ZNF804A: variants seen among roughly 807,000 people sequenced by gnomAD.
ZNF804A encodes zinc finger protein 804A.
A neutral mutation model predicts 16.5 loss-of-function variants in ZNF804A; 2 were observed. The observed-to-expected ratio is 0.12, with a 90% CI of 0.05 to 0.38. ZNF804A has a LOEUF of 0.38. Ranked by LOEUF, ZNF804A falls within the 10% of genes least tolerant of loss-of-function variation. The pLI is 0.99. For missense variants in ZNF804A, 1,473 were observed against 1,390.7 expected (o/e 1.06, Z -0.94); for synonymous variants, 534 against 489.6 (o/e 1.09, Z -1.20).
intron 1 of ZNF804A, among the ~76,000 whole-genome samples, chr2:184,837,787 C>T (rs182011580): frequency 6.6e-6 from 1 of 152,226 alleles, no homozygotes; most frequent in East Asian, 1.9e-4. Context: ...TGAGCATATT[C>T]TACAAGATAT....
intron 2 of ZNF804A, among the ~76,000 whole-genome samples, chr2:184,907,321 C>T (rs896614330): frequency 6.6e-6 from 1 of 152,114 alleles, no homozygotes; most frequent in Non-Finnish European, 1.5e-5. Flanking sequence ...GTCATTGTTT[C>T]TGACTTGGAA....
chr2:184,929,419 A>C (rs1279417464), intron 2 of ZNF804A, among the ~76,000 whole-genome samples: 1 of 152,124 alleles, frequency 6.6e-6, no homozygotes, highest in Non-Finnish European at 1.5e-5. Flanking sequence ...TTACCAATGA[A>C]ATTTAAAACC....
intron 2 of ZNF804A, among the ~76,000 whole-genome samples, chr2:184,882,731 T>G (rs1574255171): frequency 6.6e-6 from 1 of 152,146 alleles, no homozygotes; most frequent in East Asian, 1.9e-4. Context: ...AAGAAATTAC[T>G]TGAAACTAAT....
At chr2:184,782,887 A>C (rs973750420) in intron 1 of ZNF804A, among the ~76,000 whole-genome samples, 1 of 150,286 alleles carries the variant, frequency 6.7e-6, no homozygotes, top group Admixed American at 6.7e-5. Context: ...CATGCTCCCC[A>C]TGATGGCTCT....
chr2:184,598,785 C>A lies in ZNF804A; in HGVS notation c.-175C>A. 5.2e-6 allele frequency: 2 copies of A among 385,790 alleles called. No individual in the cohort carries two copies. Among genetic ancestry groups the A allele is most frequent in the Non-Finnish European group, 9.1e-6 (2 of 220,214 alleles). The allele number at this position is 385,790 out of a possible 1,614,324, so 23.9% of individuals were successfully genotyped here. On this transcript the variant is annotated 5_prime_UTR_variant, in exon 1 of 4. Transcript: ENST00000302277. ...GGCGAGCATGCGGAGGCGGGGGAGC[C>A]TCGGCGCTCACCACAGAGGGGTGCA...
chr2:184,798,010 G>GTGTGTC (rs1263450807), intron 1 of ZNF804A, among the ~76,000 whole-genome samples: 1 of 111,648 alleles, frequency 9.0e-6, no homozygotes, highest in African/African-American at 3.8e-5. Flanking sequence ...TGATATATGT[G>GTGTGTC]TGTGTGTGTG....
chr2:184,780,288 G>A (rs182638592), intron 1 of ZNF804A, among the ~76,000 whole-genome samples: 237 of 151,888 alleles, frequency 1.6e-3, no homozygotes, highest in Non-Finnish European at 2.8e-3. Flanking sequence ...GTAGAGTTAC[G>A]GAGAAGGGTG....
intron 1 of ZNF804A, among the ~76,000 whole-genome samples, chr2:184,787,189 G>A (rs1574212257): frequency 6.6e-6 from 1 of 151,756 alleles, no homozygotes; most frequent in African/African-American, 2.4e-5. Context: ...TTTAGCTCTC[G>A]CTAATAAATT....
chr2:184,810,484 C>CTTTTTTTTTTT (rs1175105602), intron 1 of ZNF804A, among the ~76,000 whole-genome samples: 6 of 95,972 alleles, frequency 6.3e-5, no homozygotes, highest in Non-Finnish European at 9.5e-5. Flanking sequence ...TGTTCTTTTC[C>CTTTTTTTTTTT]TTTTTTTTTT....
chr2:184,709,374 T>G (rs1693086646), intron 1 of ZNF804A, among the ~76,000 whole-genome samples: 1 of 152,132 alleles, frequency 6.6e-6, no homozygotes, highest in Admixed American at 6.6e-5. Flanking sequence ...TGCATTTATA[T>G]ACTTTAATAT....
chr2:184,651,004 C>T (rs1277095292), intron 1 of ZNF804A, among the ~76,000 whole-genome samples: 4 of 151,996 alleles, frequency 2.6e-5, no homozygotes, highest in Admixed American at 2.6e-4. Flanking sequence ...GCAAAAAGAG[C>T]AAAGACAGAT....
Position 184,938,754 on chromosome 2 carries a change from G to A in ZNF804A, c.3358G>A (p.Gly1120Arg), listed in dbSNP as rs1685843505. ...AAAAAAAAAA[G>R]TFKVLQPHQQ... ...AGCTGCAGCTGCAGCCGCAGCTGCA[G>A]GAACCTTTAAAGTGCTTCAGCCACA... Residue 1120 changes from glycine (G) to arginine (R), a missense_variant, in exon 4 of 4, where the codon GGA (glycine) becomes AGA (arginine). Gly to Arg is a moderately radical substitution (Grantham distance 125). Transcript: ENST00000302277. 1 of 1,613,156 alleles carries A rather than the reference G, an allele frequency of 6.2e-7. No homozygotes were observed. Among genetic ancestry groups the A allele is most frequent in the Admixed American group, 1.7e-5 (1 of 59,842 alleles).
At chr2:184,657,128 A>G (rs1574149802) in intron 1 of ZNF804A, among the ~76,000 whole-genome samples, 1 of 152,226 alleles carries the variant, frequency 6.6e-6, no homozygotes, top group Middle Eastern at 3.4e-3. Flanking sequence ...TCTATCTTCC[A>G]GGCTGGAGTG....
chr2:184,903,171 T>TC (rs1685214187), intron 2 of ZNF804A, among the ~76,000 whole-genome samples: 1 of 152,026 alleles, frequency 6.6e-6, no homozygotes, highest in Non-Finnish European at 1.5e-5. Flanking sequence ...TTCTCCACTA[T>TC]CCCCCAACAA....
chr2:184,706,496 A>G (rs970615051), intron 1 of ZNF804A, among the ~76,000 whole-genome samples: 8 of 152,192 alleles, frequency 5.3e-5, no homozygotes, highest in African/African-American at 1.9e-4. Context: ...TGTATATACC[A>G]TTTTCATTTG....
At chr2:184,840,164 G>A (rs1695414452) in intron 1 of ZNF804A, among the ~76,000 whole-genome samples, 1 of 152,188 alleles carries the variant, frequency 6.6e-6, no homozygotes, top group South Asian at 2.1e-4. Context: ...CAAGGTGGGA[G>A]GATCACCTGA....
At chr2:184,856,714 A>G (rs181584741) in intron 1 of ZNF804A, among the ~76,000 whole-genome samples, 90 of 152,246 alleles carry the variant, frequency 5.9e-4, no homozygotes, top group Non-Finnish European at 7.4e-4. Flanking sequence ...TTGCATGCAT[A>G]TAATTGAAAA....
intron 1 of ZNF804A, among the ~76,000 whole-genome samples, chr2:184,812,671 G>A (rs774148313): frequency 6.6e-6 from 1 of 152,058 alleles, no homozygotes; most frequent in Non-Finnish European, 1.5e-5. Context: ...TGGGAGGTGG[G>A]TAGCTGTTGG....
intron 2 of ZNF804A, among the ~76,000 whole-genome samples, chr2:184,867,391 CTGTTA>C (rs1228721565): frequency 6.6e-6 from 1 of 152,062 alleles, no homozygotes; most frequent in Non-Finnish European, 1.5e-5. Context: ...CCCTAACTTT[CTGTTA>C]TATCAGAGTT....
Sources: gnomAD v4.1 joint callset for allele counts (sites outside exome capture counted in the v4.1 genomes callset) on GRCh38, gnomAD v4.1.1 for gene constraint, MANE v1.5 for transcripts, NCBI Gene and HGNC (gene_info 2026-07-23, HGNC 2026-07-21) for gene names.